SYNPO2: variants seen among roughly 807,000 people sequenced by gnomAD.
SYNPO2 encodes the protein synaptopodin 2.
Under a neutral mutation model 85.0 loss-of-function variants are expected in SYNPO2, and 56 were observed. The ratio of observed to expected loss-of-function variants is 0.66; its 90% CI spans 0.53 to 0.82. The LOEUF (loss-of-function observed/expected upper bound fraction) is 0.82, where lower values mean the gene tolerates loss of function less well. Ranked by LOEUF, SYNPO2 falls within the 40% of genes least tolerant of loss-of-function variation. The pLI is 0.00. For synonymous variants in SYNPO2, 602 were observed against 591.1 expected (o/e 1.02, Z -0.27); for missense variants, 1,575 against 1,534.2 (o/e 1.03, Z -0.44).
intron 1 of SYNPO2, among the ~76,000 whole-genome samples, chr4:118,902,015 T>G (rs936114866): frequency 1.4e-4 from 16 of 115,778 alleles, no homozygotes. Flanking sequence ...GAGACAGAAG[T>G]GTGCTTGGTA....
Position 118,888,962 on chromosome 4 carries a change from A to G in SYNPO2, c.-75A>G. ...CGTCCTCGGCAGGCGCCCGAAGCTGAGTGCGCATCCTCTACCGCACCCAAG... is the reference window on the plus strand; with the variant it reads ...CGTCCTCGGCAGGCGCCCGAAGCTGGGTGCGCATCCTCTACCGCACCCAAG... On this transcript the variant is annotated 5_prime_UTR_variant, in exon 1 of 5. Coordinates refer to ENST00000307142, the MANE Select transcript of SYNPO2 (RefSeq NM_133477.3). 6.9e-7 allele frequency: 1 copy of G among 1,439,380 alleles called. No individual in the cohort carries two copies. Among genetic ancestry groups the G allele is most frequent in the Non-Finnish European group, 9.7e-7 (1 of 1,025,932 alleles). 89.2% of individuals were successfully genotyped at this position (1,439,380 alleles called of 1,614,324 possible).
At position 119,030,137 on chromosome 4, in the gene SYNPO2, C is replaced by T. The variant is rs745521159; in HGVS notation, c.1362C>T (p.Asp454=). 10 of 1,613,990 alleles carry T rather than the reference C, an allele frequency of 6.2e-6. No homozygotes were observed. The highest frequency in any genetic ancestry group is 6.8e-6 in the Non-Finnish European group (8 of 1,179,978). The change falls in exon 4 of 5, where the codon GAC becomes GAT. Residue 454 remains aspartate (D), a synonymous_variant. Transcript: ENST00000307142. ...ATGAAGAGTTATTGTCTGACGTTGACGACAACACACAAGTTGTGAACTTTG... is the reference window on the plus strand; with the variant it reads ...ATGAAGAGTTATTGTCTGACGTTGATGACAACACACAAGTTGTGAACTTTG... ...EVDEELLSDV[D]DNTQVVNFDW... is the part of the protein sequence containing the mutation.
At position 119,027,048 on chromosome 4, in the gene SYNPO2, C is replaced by G; in HGVS notation, c.679C>G (p.Pro227Ala). Residue 227 changes from proline to alanine, a missense_variant, in exon 3 of 5, where the codon CCT becomes GCT. Physicochemically the swap from Pro to Ala is conservative, Grantham distance 27. Coordinates refer to ENST00000307142, the MANE Select transcript of SYNPO2 (RefSeq NM_133477.3). ...CCCGGGAGCTGAAAAATCTAAGTCT[C>G]CTGACCCAGACCCTAACTTGTCACA... ...ALPGAEKSKS[P>A]DPDPNLSHDR... The G allele has an allele frequency of 6.2e-7, 1 of 1,614,030 alleles. No individual in the cohort carries two copies. Among genetic ancestry groups the G allele is most frequent in the East Asian group, 2.2e-5 (1 of 44,876 alleles).
chr4:119,022,141 T>C (rs1278116912), intron 1 of SYNPO2, among the ~76,000 whole-genome samples: 1 of 152,192 alleles, frequency 6.6e-6, no homozygotes, highest in African/African-American at 2.4e-5. Flanking sequence ...TGCCCCACTA[T>C]ACTGGGATGG....
At chr4:118,869,598 C>T (rs1731765218) in intron 1 of SYNPO2, among the ~76,000 whole-genome samples, 1 of 152,058 alleles carries the variant, frequency 6.6e-6, no homozygotes, top group African/African-American at 2.4e-5. Context: ...GGTTGACTGG[C>T]CGTGTTGGAA....
chr4:119,054,514 G>C (rs1739149751), intron 4 of SYNPO2, among the ~76,000 whole-genome samples: 1 of 152,220 alleles, frequency 6.6e-6, no homozygotes, highest in South Asian at 2.1e-4. Flanking sequence ...CGAAGAGGAT[G>C]GGCAGGTTGT....
intron 1 of SYNPO2, among the ~76,000 whole-genome samples, chr4:118,941,227 C>T (rs1400723162): frequency 1.3e-5 from 2 of 152,172 alleles, no homozygotes; most frequent in Non-Finnish European, 2.9e-5. Context: ...CTTCCTTTCT[C>T]CTCCTCCCTT....
chr4:118,908,909 A>C (rs4834718), intron 1 of SYNPO2, among the ~76,000 whole-genome samples: 1 of 152,184 alleles, frequency 6.6e-6, no homozygotes, highest in African/African-American at 2.4e-5. Flanking sequence ...TTGCTTAAAG[A>C]TTCCTGACCT....
intron 1 of SYNPO2, among the ~76,000 whole-genome samples, chr4:118,875,266 C>T (rs1731883024): frequency 6.6e-6 from 1 of 152,068 alleles, no homozygotes; most frequent in Non-Finnish European, 1.5e-5. Context: ...CATTGATGGG[C>T]ATTTAGATTG....
At chr4:118,883,712 T>TC (rs1399473811) in intron 1 of SYNPO2, among the ~76,000 whole-genome samples, 1 of 83,284 alleles carries the variant, frequency 1.2e-5, no homozygotes, top group African/African-American at 3.4e-5. Context: ...TTTCTCTTTT[T>TC]CTTTTTTTTT....
At chr4:119,018,765 C>G (rs968823266) in intron 1 of SYNPO2, among the ~76,000 whole-genome samples, 1 of 151,916 alleles carries the variant, frequency 6.6e-6, no homozygotes, top group African/African-American at 2.4e-5. Context: ...CTATAGTTAA[C>G]AATAATTTAT....
Position 119,031,418 on chromosome 4 carries a change from G to A in SYNPO2, c.2643G>A (p.Ser881=), listed in dbSNP as rs1261910765. 1.2e-6 allele frequency: 2 copies of A among 1,614,020 alleles called. No individual in the cohort carries two copies. The highest frequency in any genetic ancestry group is 1.7e-6 in the Non-Finnish European group (2 of 1,180,042). The change falls in exon 4 of 5, where the codon TCG becomes TCA. Residue 881 remains serine, a synonymous_variant. Transcript: ENST00000307142. ...RGAQLFAKRQ[S]RMEKYVVDSD... is the part of the protein sequence containing the mutation. ...CTCAGCTCTTTGCTAAAAGGCAGTC[G>A]AGAATGGAGAAGTATGTGGTCGATT...
intron 2 of SYNPO2, among the ~76,000 whole-genome samples, chr4:119,024,851 C>A (rs1001202331): frequency 6.6e-6 from 1 of 152,164 alleles, no homozygotes; most frequent in Non-Finnish European, 1.5e-5. Context: ...TCACTGTCAT[C>A]TATCAGTAGA....
chr4:118,978,682 T>G (rs938854918), intron 1 of SYNPO2, among the ~76,000 whole-genome samples: 6 of 152,188 alleles, frequency 3.9e-5, no homozygotes, highest in African/African-American at 1.2e-4. Flanking sequence ...ATCTCCCTGC[T>G]TCCAGATTTT....
intron 1 of SYNPO2, among the ~76,000 whole-genome samples, chr4:118,936,522 A>G (rs966907755): frequency 6.6e-6 from 1 of 152,144 alleles, no homozygotes; most frequent in Non-Finnish European, 1.5e-5. Context: ...TTCAGATACT[A>G]TTCGTAAACT....
rs558780391 is a variant in SYNPO2 at position 118,869,046 on chromosome 4, G to T, written c.12+18106G>T. On this transcript the variant is annotated intron_variant, in intron 1 of 4. Coordinates refer to the SYNPO2 transcript ENST00000610556. ...GGGCTGAATGTTTATAATCACTGTA[G>T]GATTGCAAAAAGAAAATTATTATTA... Among the ~76,000 whole-genome samples the T allele has an allele frequency of 4.0e-4, 61 of 152,142 alleles. No homozygotes were observed. In the South Asian group the frequency reaches 0.012, roughly 29 times the overall value.
chr4:118,991,130 G>C (rs1437842813), intron 1 of SYNPO2, among the ~76,000 whole-genome samples: 1 of 151,942 alleles, frequency 6.6e-6, no homozygotes, highest in Non-Finnish European at 1.5e-5. Flanking sequence ...TCTTTTTAGT[G>C]CGTGACCACT....
chr4:119,009,559 C>T (rs1318844446), intron 1 of SYNPO2, among the ~76,000 whole-genome samples: 1 of 152,070 alleles, frequency 6.6e-6, no homozygotes, highest in Non-Finnish European at 1.5e-5. Context: ...ATTGATTGCC[C>T]CCCAAAATAT....
At chr4:118,961,088 G>C (rs957727199) in intron 1 of SYNPO2, among the ~76,000 whole-genome samples, 6 of 127,076 alleles carry the variant, frequency 4.7e-5, no homozygotes, top group Non-Finnish European at 1.0e-4. Flanking sequence ...TCAACTGGGG[G>C]CTATTTTACC....
Sources: allele counts gnomAD v4.1 joint callset (sites outside exome capture counted in the v4.1 genomes callset), GRCh38; gene constraint gnomAD v4.1.1; transcripts MANE v1.5; gene names NCBI Gene and HGNC (gene_info 2026-07-23, HGNC 2026-07-21).